Variants in CNTROB observed in about 807,000 individuals in gnomAD.
The protein encoded by CNTROB is centrobin, centriole duplication and spindle assembly protein, also known as centrobin.
Under a neutral mutation model 115.7 loss-of-function variants are expected in CNTROB, and 82 were observed. The ratio of observed to expected loss-of-function variants is 0.71; its 90% CI spans 0.59 to 0.85. The LOEUF (loss-of-function observed/expected upper bound fraction) is 0.85, where lower values mean the gene tolerates loss of function less well. CNTROB is among the 40% of genes least tolerant of loss of function. The pLI is 0.00. For synonymous variants in CNTROB, 439 were observed against 456.4 expected, an observed-to-expected ratio of 0.96 and a Z score of 0.49; for missense variants, 1,014 against 1,144.4, an observed-to-expected ratio of 0.89 and a Z score of 1.64.
chr17:7,947,444 T>C, intron 13 of CNTROB, 127 bp from the exon 14 acceptor site: 1 of 925,212 alleles, frequency 1.1e-6, no homozygotes, highest in Non-Finnish European at 1.6e-6. Flanking sequence ...TCATCTTCTC[T>C]TAGCTGTGAT....
Position 7,944,388 on chromosome 17 carries a change from T to G in CNTROB, c.1572-88T>G, listed in dbSNP as rs1405781537. On this transcript the variant is annotated intron_variant, in intron 11 of 18. Transcript: ENST00000563694. This position sits in a 1 kb window ranked among gnomAD's most constrained non-coding sequence, Gnocchi z 4.0. ...CCCCAGCTCCTTTCAGAATATCAGA[T>G]GTCCAACATTTCCCTTCTGGCTCTT... The G allele has an allele frequency of 1.9e-6, 3 of 1,573,448 alleles. No homozygotes were observed. In the African/African-American group the frequency reaches 4.1e-5, roughly 21 times the overall value.
intron 4 of CNTROB, 66 bp downstream of exon 4, chr17:7,935,211 A>AGGGCTGAGGG: frequency 6.2e-7 from 1 of 1,605,134 alleles, no homozygotes; most frequent in Non-Finnish European, 8.5e-7. Flanking sequence ...AGTGTTGAAA[A>AGGGCTGAGGG]GGGCTGAGGG....
chr17:7,948,432 G>T lies in CNTROB; in HGVS notation c.2381-55G>T. 1 of 1,611,474 alleles carries T rather than the reference G, an allele frequency of 6.2e-7. No individual in the cohort carries two copies. The highest frequency in any genetic ancestry group is 8.5e-7 in the Non-Finnish European group (1 of 1,177,646). On this transcript the variant is annotated intron_variant, in intron 16 of 18. Coordinates refer to ENST00000563694, the MANE Select transcript of CNTROB (RefSeq NM_053051.5). This position sits in a 1 kb window ranked among gnomAD's most constrained non-coding sequence, Gnocchi z 4.4. ...CTGAATTCCTGGGGAAATGGGCTGA[G>T]GGCTGGGGAGACAGGCCCTAGGATG...
rs1973632912 is a variant in CNTROB, at chr17:7,939,765, G to A, written c.1164+16G>A. On this transcript the variant is annotated intron_variant, in intron 8 of 18. Coordinates refer to ENST00000563694, the MANE Select transcript of CNTROB (RefSeq NM_053051.5). The surrounding 1 kb of genome is among the most constrained non-coding windows in gnomAD (Gnocchi z 4.4). ...AAGGGAGAAGGTAAAAGTGGCAGTT[G>A]GAAGAGCTGAGGAACTAGGGAGTAG... 2.0e-5 allele frequency: 33 copies of A among 1,611,066 alleles called. No individual in the cohort carries two copies. The highest frequency in any genetic ancestry group is 2.8e-5 in the Non-Finnish European group (33 of 1,177,472).
In CNTROB at chr17:7,943,524, G is replaced by T. The variant is rs752822668; in HGVS notation, c.1445G>T (p.Arg482Met). Residue 482 changes from arginine (R) to methionine (M), a missense_variant and splice_region_variant, in exon 10 of 19, where the codon AGG becomes ATG. Physicochemically the swap from Arg to Met is moderately conservative, Grantham distance 91. Coordinates refer to ENST00000563694, the MANE Select transcript of CNTROB (RefSeq NM_053051.5). This position sits in a 1 kb window ranked among gnomAD's most constrained non-coding sequence, Gnocchi z 4.7. ...RQAASLREHH[R>M]KQLQDLSGQH... ...GCAGCCTCCCTCAGGGAACATCACA[G>T]GTACGTGGGACTCACTGGGTGTCAC... 1 of 1,610,542 alleles carries T rather than the reference G, an allele frequency of 6.2e-7. No homozygotes were observed.
intron 1 of CNTROB, 62 bp downstream of exon 1, chr17:7,933,411 G>T: frequency 6.7e-7 from 1 of 1,498,340 alleles, no homozygotes; most frequent in South Asian, 1.3e-5. Context: ...TTGGGATTGG[G>T]GTTGGTAAAA....
chr17:7,939,309 G>T lies in CNTROB; in HGVS notation c.928-204G>T, dbSNP rs552647388. Among the ~76,000 whole-genome samples, 191 of 152,130 alleles carry T rather than the reference G, an allele frequency of 1.3e-3. 3 individuals carry two copies. The South Asian group carries it at 0.027, about 22-fold the overall frequency. On this transcript the variant is annotated intron_variant, in intron 7 of 18. Transcript: ENST00000563694. This position sits in a 1 kb window ranked among gnomAD's most constrained non-coding sequence, Gnocchi z 4.4. ...GGTTTCACCATGTTGGACCAGGCTG[G>T]TCTCAAACTCCTGACCTCAGGTAAT...
At chr17:7,946,931 C>T (rs901984007) in intron 13 of CNTROB, among the ~76,000 whole-genome samples, 8 of 151,498 alleles carry the variant, frequency 5.3e-5, no homozygotes, top group Non-Finnish European at 8.8e-5. Context: ...GAGGCCGAGG[C>T]GGGCAGATCA....
At chr17:7,933,385 T>A (rs1314013186) in intron 1 of CNTROB, 36 bp downstream of exon 1, 1 of 1,576,920 alleles carries the variant, frequency 6.3e-7, no homozygotes, top group Non-Finnish European at 8.6e-7. Context: ...ACTGTGGCAC[T>A]AGACACCAGA....
chr17:7,940,325 C>T (rs1973712158), intron 9 of CNTROB, 83 bp downstream of exon 9: 2 of 1,305,448 alleles, frequency 1.5e-6, no homozygotes, highest in Non-Finnish European at 2.1e-6. Flanking sequence ...TTGTGGCAGA[C>T]ACTCCCAGTT....
intron 9 of CNTROB, among the ~76,000 whole-genome samples, chr17:7,942,836 G>C (rs1190692412): frequency 1.0e-5 from 1 of 99,160 alleles, no homozygotes; most frequent in African/African-American, 4.1e-5. Flanking sequence ...GAGTCTCGCT[G>C]TGTCTCCCAG....
intron 13 of CNTROB, among the ~76,000 whole-genome samples, chr17:7,947,188 TTG>T (rs1234197260): frequency 4.7e-5 from 7 of 149,880 alleles, no homozygotes; most frequent in African/African-American, 1.7e-4. Flanking sequence ...GAGAGATTAG[TTG>T]TAGCACAATT....
chr17:7,936,163 A>G (rs1379062703), intron 4 of CNTROB: 2 of 548,348 alleles, frequency 3.6e-6, no homozygotes, highest in Middle Eastern at 4.9e-4. Context: ...ATCTCCTGAA[A>G]AGGTACAGAA....
chr17:7,947,244 A>G (rs183695530), intron 13 of CNTROB, among the ~76,000 whole-genome samples: 1 of 152,110 alleles, frequency 6.6e-6, no homozygotes, highest in East Asian at 1.9e-4. Flanking sequence ...AATGAGGCAT[A>G]TTCGGGGGAA....
chr17:7,940,170 G>A lies in CNTROB; in HGVS notation c.1239G>A (p.Arg413=). ...HQLALVQSEV[R]RLEGELDTAR... ...TGGCATTGGTGCAGTCTGAGGTGCG[G>A]CGGCTGGAAGGAGAGCTGGATACAG... The change falls in exon 9 of 19, where the codon CGG becomes CGA. Residue 413 remains arginine, a synonymous_variant. Coordinates refer to ENST00000563694, the MANE Select transcript of CNTROB (RefSeq NM_053051.5). 3.7e-6 allele frequency: 6 copies of A among 1,612,592 alleles called. No individual in the cohort carries two copies. Among genetic ancestry groups the A allele is most frequent in the Non-Finnish European group, 5.1e-6 (6 of 1,179,692 alleles).
chr17:7,932,473 G>A lies in CNTROB; in HGVS notation c.-607G>A, dbSNP rs1015261126. On this transcript the variant is annotated 5_prime_UTR_variant, in exon 1 of 19. Coordinates refer to ENST00000563694, the MANE Select transcript of CNTROB (RefSeq NM_053051.5). ...GGTGGTCGGGAGGGAGAGATTCTAG[G>A]GAACAAGGAAGCTCGCTATGGCTTT... 6.3e-6 allele frequency: 1 copy of A among 157,710 alleles called. No homozygotes were observed. Among genetic ancestry groups the A allele is most frequent in the African/African-American group, 2.4e-5 (1 of 41,438 alleles). The allele number at this position is 157,710 out of a possible 1,614,324, so 9.8% of individuals were successfully genotyped here.
Position 7,934,129 on chromosome 17 carries a change from T to C in CNTROB, c.271-9T>C, listed in dbSNP as rs566843834. 6.2e-7 allele frequency: 1 copy of C among 1,613,718 alleles called. No individual in the cohort carries two copies. Among genetic ancestry groups the C allele is most frequent in the East Asian group, 2.2e-5 (1 of 44,870 alleles). Reference sequence around the variant, plus strand: ...GACTGCATCTGATTTCCATGTGGCTTTTTTCCAGGATGGTTCTAAGCATAT... The same window carrying C: ...GACTGCATCTGATTTCCATGTGGCTCTTTTCCAGGATGGTTCTAAGCATAT... On this transcript the variant is annotated splice_polypyrimidine_tract_variant and intron_variant, in intron 1 of 18. Transcript: ENST00000563694.
rs1974116708 is a variant in CNTROB at position 7,943,138 on chromosome 17, A to T, written c.1312-253A>T. On this transcript the variant is annotated intron_variant, in intron 9 of 18. Coordinates refer to ENST00000563694, the MANE Select transcript of CNTROB (RefSeq NM_053051.5). This position sits in a 1 kb window ranked among gnomAD's most constrained non-coding sequence, Gnocchi z 4.7. ...ATATCAGACACGTAGAATGGATTTG[A>T]TTGCTCTGTCGAACATTTATTTTAG... is the stretch of plus-strand genomic sequence containing the variant. Among the ~76,000 whole-genome samples the T allele has an allele frequency of 6.6e-6, 1 of 152,102 alleles. No individual in the cohort carries two copies. Among genetic ancestry groups the T allele is most frequent in the South Asian group, 2.1e-4 (1 of 4,832 alleles).
chr17:7,948,941 A>T lies in CNTROB; in HGVS notation c.2514-144A>T. ...GTGTAACTCGTTATTTACTTCCACT[A>T]ATGTCTCCTCCCAGTTGATGCCCAG... On this transcript the variant is annotated intron_variant, in intron 17 of 18. Coordinates refer to ENST00000563694, the MANE Select transcript of CNTROB (RefSeq NM_053051.5). The surrounding 1 kb of genome is among the most constrained non-coding windows in gnomAD (Gnocchi z 4.4). 1.3e-6 allele frequency: 2 copies of T among 1,543,230 alleles called. No individual in the cohort carries two copies. The highest frequency in any genetic ancestry group is 3.8e-5 in the Admixed American group (2 of 52,424).
Sources: allele counts gnomAD v4.1 joint callset (sites outside exome capture counted in the v4.1 genomes callset), GRCh38; gene constraint gnomAD v4.1.1; non-coding constraint Gnocchi (gnomAD v3.1); transcripts MANE v1.5; gene names NCBI Gene and HGNC (gene_info 2026-07-23, HGNC 2026-07-21).